PTPRT: variants seen among roughly 807,000 people sequenced by gnomAD.
PTPRT encodes protein tyrosine phosphatase receptor type T.
A neutral mutation model predicts 176.8 loss-of-function variants in PTPRT; 56 were observed. The observed-to-expected ratio is 0.32, with a 90% CI of 0.26 to 0.40. PTPRT has a LOEUF of 0.40. Among genes scored for constraint, PTPRT ranks in the 10% least tolerant of loss-of-function variants. The pLI is 1.00. For missense variants in PTPRT, 1,540 were observed against 1,908.2 expected, an observed-to-expected ratio of 0.81 and a Z score of 3.60; for synonymous variants, 783 against 739.0, an observed-to-expected ratio of 1.06 and a Z score of -0.96.
chr20:42,328,342 C>T (rs1172645837), intron 11 of PTPRT, among the ~76,000 whole-genome samples: 2 of 152,118 alleles, frequency 1.3e-5, no homozygotes, highest in Non-Finnish European at 2.9e-5. Flanking sequence ...TTCTTTCAAT[C>T]TTCCAGGAAT....
intron 7 of PTPRT, among the ~76,000 whole-genome samples, chr20:42,591,250 C>A (rs2073569298): frequency 6.6e-6 from 1 of 151,366 alleles, no homozygotes; most frequent in Non-Finnish European, 1.5e-5. Flanking sequence ...TTGTGTAATG[C>A]CAAAAGAAAA....
intron 19 of PTPRT, among the ~76,000 whole-genome samples, chr20:42,121,750 G>GAT (rs370476490): frequency 0.031 from 4,491 of 145,670 alleles, 74 homozygotes; most frequent in Non-Finnish European, 0.039. Flanking sequence ...TATATGAAGA[G>GAT]ATATATATAT....
intron 9 of PTPRT, among the ~76,000 whole-genome samples, chr20:42,394,673 G>A (rs1455764062): frequency 6.6e-6 from 1 of 152,132 alleles, no homozygotes; most frequent in Non-Finnish European, 1.5e-5. Flanking sequence ...AGTTGGCTTT[G>A]TTACTTAGAG....
At chr20:42,228,922 A>T (rs924384599) in intron 15 of PTPRT, among the ~76,000 whole-genome samples, 2 of 152,212 alleles carry the variant, frequency 1.3e-5, no homozygotes, top group Non-Finnish European at 2.9e-5. Flanking sequence ...TGGGTGAAGG[A>T]ATGAAAGATA....
intron 1 of PTPRT, among the ~76,000 whole-genome samples, chr20:42,943,740 C>A (rs1980712013): frequency 6.6e-6 from 1 of 152,268 alleles, no homozygotes; most frequent in South Asian, 2.1e-4. Flanking sequence ...TGGGGCAGGG[C>A]ACAGTGGCTC....
At chr20:42,097,049 GTGGAAGCCCAACCCC>G (rs1158194951) in intron 27 of PTPRT, among the ~76,000 whole-genome samples, 2 of 152,182 alleles carry the variant, frequency 1.3e-5, no homozygotes, top group Non-Finnish European at 2.9e-5. Flanking sequence ...AGCAGTGTGG[GTGGAAGCCCAACCCC>G]TGCCTACTGC....
chr20:42,100,634 GTTGGGAGAA>G (rs1451794554), intron 26 of PTPRT, among the ~76,000 whole-genome samples: 3 of 152,192 alleles, frequency 2.0e-5, no homozygotes, highest in Non-Finnish European at 2.9e-5. Flanking sequence ...GGGAGGGGGT[GTTGGGAGAA>G]GTGGGAGACA....
intron 23 of PTPRT, among the ~76,000 whole-genome samples, chr20:42,108,013 C>T (rs929551773): frequency 2.0e-5 from 3 of 151,812 alleles, no homozygotes; most frequent in African/African-American, 4.8e-5. Flanking sequence ...ACTCAAGAGA[C>T]TTGGCCTCTG....
At chr20:42,487,686 G>A (rs1335568206) in intron 7 of PTPRT, among the ~76,000 whole-genome samples, 2 of 152,122 alleles carry the variant, frequency 1.3e-5, no homozygotes, top group Admixed American at 6.6e-5. Flanking sequence ...GCTGGAAAAG[G>A]CAAGAAACAG....
chr20:42,583,128 A>G (rs1486201017), intron 7 of PTPRT, among the ~76,000 whole-genome samples: 1 of 152,212 alleles, frequency 6.6e-6, no homozygotes, highest in South Asian at 2.1e-4. Flanking sequence ...AATGATGAGA[A>G]TATCTTGCAA....
intron 1 of PTPRT, among the ~76,000 whole-genome samples, chr20:42,994,971 C>T (rs1984143196): frequency 6.6e-6 from 1 of 152,178 alleles, no homozygotes; most frequent in Non-Finnish European, 1.5e-5. Context: ...AATGTGGTTA[C>T]CACTGGTGCC....
At chr20:42,574,575 AG>A (rs2073222711) in intron 7 of PTPRT, among the ~76,000 whole-genome samples, 1 of 152,074 alleles carries the variant, frequency 6.6e-6, no homozygotes, top group Admixed American at 6.5e-5. Context: ...AGGGAGGGAG[AG>A]GAAGAACAAA....
intron 11 of PTPRT, among the ~76,000 whole-genome samples, chr20:42,329,755 A>C (rs16986772): frequency 0.16 from 23,758 of 152,074 alleles, 1,949 homozygotes; most frequent in East Asian, 0.25. Context: ...AAAATTTCCC[A>C]AATGTCAGTA....
intron 1 of PTPRT, among the ~76,000 whole-genome samples, chr20:43,114,377 A>G (rs1270128305): frequency 6.6e-6 from 1 of 152,198 alleles, no homozygotes; most frequent in Non-Finnish European, 1.5e-5. Context: ...GGGCAAGTCA[A>G]TAACCTTTTT....
Position 42,218,677 on chromosome 20 carries a change from C to G in PTPRT, c.2342+17552G>C, listed in dbSNP as rs563235069. 5.3e-5 allele frequency among the ~76,000 whole-genome samples: 8 copies of G among 152,300 alleles called. No homozygotes were observed. In the East Asian group the frequency reaches 1.2e-3, roughly 22 times the overall value. On this transcript the variant is annotated intron_variant, in intron 15 of 30. Coordinates refer to ENST00000373187, the MANE Select transcript of PTPRT (RefSeq NM_007050.6). ...ACTCTGAAGGCATTGGTGTGAATCA[C>G]TCTGGGAGCCAGGGCTATTAGGAAC... is the stretch of plus-strand genomic sequence containing the variant.
intron 11 of PTPRT, among the ~76,000 whole-genome samples, chr20:42,348,402 A>ATTTATTTATTTATTT (rs1568797322): frequency 6.6e-6 from 1 of 151,232 alleles, no homozygotes; most frequent in East Asian, 1.9e-4. Context: ...TTATTTATTT[A>ATTTATTTATTTATTT]TTTTTGGATA....
At chr20:42,470,977 G>C (rs1325919989) in intron 8 of PTPRT, among the ~76,000 whole-genome samples, 1 of 152,034 alleles carries the variant, frequency 6.6e-6, no homozygotes, top group Admixed American at 6.6e-5. Flanking sequence ...TGGCTTTCAG[G>C]TCTCTATCTT....
At chr20:42,605,343 G>T (rs56789592) in intron 7 of PTPRT, among the ~76,000 whole-genome samples, 41,753 of 151,958 alleles carry the variant, frequency 0.27, 8,401 homozygotes, top group African/African-American at 0.57. Context: ...GCCAAGGGGG[G>T]CCTGGTAACA....
intron 6 of PTPRT, among the ~76,000 whole-genome samples, chr20:42,749,381 G>A (rs1169084304): frequency 2.6e-5 from 4 of 152,214 alleles, no homozygotes; most frequent in Non-Finnish European, 1.5e-5. Context: ...CAGTCGGAGA[G>A]GCTATCCCAG....
Sources: allele counts gnomAD v4.1 joint callset (sites outside exome capture counted in the v4.1 genomes callset), GRCh38; gene constraint gnomAD v4.1.1; transcripts MANE v1.5; gene names NCBI Gene and HGNC (gene_info 2026-07-23, HGNC 2026-07-21).